KLHL13: variants seen among roughly 807,000 people sequenced by gnomAD.
KLHL13 encodes kelch-like protein 13.
In KLHL13, 10 loss-of-function variants were observed where a neutral mutation model predicts 37.1. That is an observed-to-expected ratio of 0.27 (90% CI 0.17 to 0.46). The LOEUF is 0.46. Among genes scored for constraint, KLHL13 ranks in the 20% least tolerant of loss-of-function variants. The probability of loss-of-function intolerance (pLI) is 1.00; values close to 1 mark genes in which losing one functional copy is unlikely to be tolerated. For missense variants in KLHL13, 360 were observed against 509.3 expected (o/e 0.71, Z 2.82); for synonymous variants, 163 against 181.2 (o/e 0.90, Z 0.81).
intron 1 of KLHL13, among the ~76,000 whole-genome samples, chrX:118,069,241 A>G (rs1897562433): frequency 9.1e-6 from 1 of 109,455 alleles, no homozygotes; most frequent in South Asian, 4.0e-4. Flanking sequence ...GGTATTCCAG[A>G]AAAAAAGCAT....
intron 1 of KLHL13, among the ~76,000 whole-genome samples, chrX:118,111,747 C>T (rs766340239): frequency 8.9e-6 from 1 of 111,953 alleles, no homozygotes; most frequent in Admixed American, 9.4e-5. Context: ...AAAAAACTAG[C>T]CTGGCGTGGT....
rs139399573 is a variant in KLHL13, at chrX:118,059,501, C to A, written c.-56+57007G>T. Among the ~76,000 whole-genome samples, 160 of 111,337 alleles carry A rather than the reference C, an allele frequency of 1.4e-3. 2 individuals carry two copies. The highest frequency in any genetic ancestry group is 5.1e-3 in the African/African-American group (155 of 30,684). On this transcript the variant is annotated intron_variant, in intron 1 of 6. Transcript: ENST00000371882. ...AGTCAATGATGACATCCATTTTAAGCGATTTGGGGGCTTACTAGGAAATTT... is the reference window on the plus strand; with the variant it reads ...AGTCAATGATGACATCCATTTTAAGAGATTTGGGGGCTTACTAGGAAATTT...
intron 1 of KLHL13, among the ~76,000 whole-genome samples, chrX:118,013,088 G>A (rs1345809118): frequency 1.8e-5 from 2 of 112,234 alleles, no homozygotes; most frequent in East Asian, 2.8e-4. Context: ...AATGGTTGTA[G>A]GTGCTGCGAT....
chrX:118,007,388 A>AG (rs1176888319), intron 1 of KLHL13, among the ~76,000 whole-genome samples: 2 of 101,707 alleles, frequency 2.0e-5, no homozygotes, highest in African/African-American at 8.3e-5. Flanking sequence ...AAAAAAAAAA[A>AG]AAAAAGAGAG....
At chrX:118,075,286 T>G (rs1051724625) in intron 1 of KLHL13, among the ~76,000 whole-genome samples, 6 of 111,355 alleles carry the variant, frequency 5.4e-5, no homozygotes, top group Non-Finnish European at 7.5e-5. Context: ...ACTGAAGGGT[T>G]TATGTGTAAC....
chrX:117,954,879 C>T (rs1933824597), intron 1 of KLHL13, among the ~76,000 whole-genome samples: 1 of 111,919 alleles, frequency 8.9e-6, no homozygotes, highest in African/African-American at 3.2e-5. Context: ...TTTCTTTAAT[C>T]CAAAAATGAA....
At chrX:118,062,314 G>A (rs527840185) in intron 1 of KLHL13, among the ~76,000 whole-genome samples, 4 of 109,666 alleles carry the variant, frequency 3.6e-5, no homozygotes, top group African/African-American at 6.6e-5. Flanking sequence ...ATGTTTTCTC[G>A]GCTTCAAGTA....
chrX:118,059,971 A>G (rs1248700141), intron 1 of KLHL13, among the ~76,000 whole-genome samples: 1 of 112,004 alleles, frequency 8.9e-6, no homozygotes, highest in Non-Finnish European at 1.9e-5. Context: ...ATTACTCATA[A>G]ATGTTGGTAA....
intron 2 of KLHL13, among the ~76,000 whole-genome samples, chrX:117,933,786 A>G (rs763646432): frequency 1.5e-4 from 17 of 111,394 alleles, no homozygotes; most frequent in Non-Finnish European, 3.0e-4. Context: ...TACAGAAACA[A>G]CAACTTAGAT....
Position 118,048,683 on chromosome X carries a change from AT to A in KLHL13, c.-56+67824del, listed in dbSNP as rs752630229. Among the ~76,000 whole-genome samples, 84 of 111,455 alleles carry A rather than the reference AT, an allele frequency of 7.5e-4. No homozygotes were observed. In the East Asian group the frequency reaches 9.0e-3, roughly 12 times the overall value. ...CGGGATATGACATAGAAAGGCCAAC[AT>A]TTTTTTTAAAGAGCTTTCAAAGAAA... is the stretch of plus-strand genomic sequence containing the variant. On this transcript the variant is annotated intron_variant, in intron 1 of 6. Coordinates refer to the KLHL13 transcript ENST00000371882.
At position 118,043,270 on chromosome X, in the gene KLHL13, A is replaced by C. The variant is rs72607609; in HGVS notation, c.-56+73238T>G. The stretch of plus-strand genomic sequence containing the variant: ...AAGTGTCTCCAGCACAGGAAAGTAC[A>C]GGATCAGATGGCTTCACTGATGAAT... On this transcript the variant is annotated intron_variant, in intron 1 of 6. Transcript: ENST00000371882. Among the ~76,000 whole-genome samples, 617 of 111,990 alleles carry C rather than the reference A, an allele frequency of 5.5e-3. 13 individuals are homozygous for C. In the East Asian group the frequency reaches 0.07, roughly 13 times the overall value.
chrX:117,954,444 G>T (rs1162093162), intron 1 of KLHL13, among the ~76,000 whole-genome samples: 1 of 111,850 alleles, frequency 8.9e-6, no homozygotes, highest in East Asian at 2.8e-4. Flanking sequence ...AGGGATACAT[G>T]GATGGATGAA....
intron 1 of KLHL13, among the ~76,000 whole-genome samples, chrX:118,027,404 T>A (rs1199642634): frequency 1.8e-5 from 2 of 111,422 alleles, no homozygotes; most frequent in Non-Finnish European, 3.8e-5. Flanking sequence ...AAAAGAAACA[T>A]CATTGATATG....
At chrX:118,067,036 T>C (rs2054802335) in intron 1 of KLHL13, among the ~76,000 whole-genome samples, 1 of 111,586 alleles carries the variant, frequency 9.0e-6, no homozygotes, top group Non-Finnish European at 1.9e-5. Context: ...CAGAAATGTG[T>C]CATTAGGTGA....
chrX:117,905,630 C>T (rs1004169842), intron 5 of KLHL13, among the ~76,000 whole-genome samples: 2 of 110,655 alleles, frequency 1.8e-5, no homozygotes, highest in Non-Finnish European at 3.8e-5. Context: ...GTGATCTAAA[C>T]TGTCTTGCAA....
At chrX:118,053,508 G>A (rs1348226961) in intron 1 of KLHL13, among the ~76,000 whole-genome samples, 1 of 110,386 alleles carries the variant, frequency 9.1e-6, no homozygotes, top group African/African-American at 3.3e-5. Flanking sequence ...GGCGAGGTGG[G>A]AGGGATAGCA....
chrX:118,016,849 A>C (rs2054132878), intron 1 of KLHL13, among the ~76,000 whole-genome samples: 1 of 111,757 alleles, frequency 8.9e-6, no homozygotes, highest in South Asian at 3.7e-4. Flanking sequence ...TGACATTATC[A>C]GATTAACAAT....
intron 5 of KLHL13, among the ~76,000 whole-genome samples, chrX:117,907,966 A>G (rs139572328): frequency 0.035 from 3,849 of 111,093 alleles, 156 homozygotes; most frequent in African/African-American, 0.12. Context: ...ATATTGAAAA[A>G]TAAAGATTCT....
Position 118,085,796 on chromosome X carries a change from G to GGTGTGTGTGT in KLHL13, c.-56+30702_-56+30711dup, listed in dbSNP as rs4025518. On this transcript the variant is annotated intron_variant, in intron 1 of 6. Coordinates refer to the KLHL13 transcript ENST00000371882. Reference sequence around the variant, plus strand: ...TTTTTATGGCAGAGTAATATTCCATGGTGTGTGTGTGTGTGTGTGTGTGTG... The same window carrying GGTGTGTGTGT: ...TTTTTATGGCAGAGTAATATTCCATGGTGTGTGTGTGTGTGTGTGTGTGTGTGTGTGTGTG... Among the ~76,000 whole-genome samples the GGTGTGTGTGT allele has an allele frequency of 4.1e-3, 353 of 85,618 alleles. 4 individuals are homozygous for GGTGTGTGTGT. Among genetic ancestry groups the GGTGTGTGTGT allele is most frequent in the East Asian group, 0.011 (28 of 2,473 alleles). 74.3% of individuals were successfully genotyped at this position (85,618 alleles called of 115,157 possible).
Sources: gnomAD v4.1 joint callset for allele counts (sites outside exome capture counted in the v4.1 genomes callset) on GRCh38, gnomAD v4.1.1 for gene constraint, MANE v1.5 for transcripts, NCBI Gene and HGNC (gene_info 2026-07-23, HGNC 2026-07-21) for gene names.